The following ABCB4 variants were observed in gnomAD, a reference collection of about 807,000 sequenced individuals.
The protein encoded by ABCB4 is phosphatidylcholine translocator ABCB4.
A neutral mutation model predicts 145.7 loss-of-function variants in ABCB4; 76 were observed. That is an observed-to-expected ratio of 0.52 (90% confidence interval 0.43 to 0.63). ABCB4 has a LOEUF of 0.63. Ranked by LOEUF, ABCB4 falls within the 30% of genes least tolerant of loss-of-function variation. The pLI is 0.00. For missense variants in ABCB4, 1,234 were observed against 1,553.1 expected, an observed-to-expected ratio of 0.79 and a Z score of 3.45; for synonymous variants, 517 against 566.8, an observed-to-expected ratio of 0.91 and a Z score of 1.25.
intron 22 of ABCB4, 57 bp downstream of exon 22, chr7:87,413,560 A>G (rs1808769567): frequency 9.0e-7 from 1 of 1,107,518 alleles, no homozygotes; most frequent in Admixed American, 1.7e-5. Flanking sequence ...TTTTTGGGAC[A>G]ATAATTCAGC....
chr7:87,409,090 C>A, intron 24 of ABCB4, 146 bp downstream of exon 24: 1 of 985,646 alleles, frequency 1.0e-6, no homozygotes, highest in Admixed American at 2.2e-5. Context: ...AGTCAAGTTG[C>A]CCAAATATTA....
chr7:87,367,932 C>T, the ABCB4 span, among the ~76,000 whole-genome samples: 1 of 152,178 alleles, frequency 6.6e-6, no homozygotes, highest in African/African-American at 2.4e-5. Flanking sequence ...AATCTGTTCT[C>T]CATGTAACAG....
intron 7 of ABCB4, 52 bp downstream of exon 7, chr7:87,451,571 G>A: frequency 6.2e-7 from 1 of 1,601,170 alleles, no homozygotes; most frequent in Non-Finnish European, 8.6e-7. Context: ...GCATATTAAA[G>A]ATTACTGTGT....
chr7:87,426,851 G>C lies in ABCB4; in HGVS notation c.1963C>G (p.Pro655Ala), dbSNP rs550563139. ...NDEKAATRMA[P>A]NGWKSRLFRH... ...AATAGGCGAGATTTCCAGCCATTTG[G>C]GGCCATTCTAGTGGCAGCCTTTTCA... Residue 655 changes from proline (P) to alanine (A), a missense_variant, in exon 16 of 28, where the codon CCA becomes GCA. Pro to Ala is a conservative substitution (Grantham distance 27). Around this residue, in one of 7 missense-constraint regions of ABCB4, gnomAD observed 321 missense variants for 332.6 expected, o/e 0.97. Coordinates refer to ENST00000649586, the MANE Select transcript of ABCB4 (RefSeq NM_000443.4). 55 of 1,613,828 alleles carry C rather than the reference G, an allele frequency of 3.4e-5. 1 individual carries two copies. The South Asian group carries it at 5.8e-4, about 17-fold the overall frequency.
intron 15 of ABCB4, among the ~76,000 whole-genome samples, chr7:87,428,836 G>A (rs528178549): frequency 5.3e-5 from 8 of 152,194 alleles, no homozygotes; most frequent in East Asian, 1.9e-4. Flanking sequence ...AAATAAATAC[G>A]AAATAGCTAT....
intron 4 of ABCB4, among the ~76,000 whole-genome samples, chr7:87,456,837 CAG>C (rs1412977943): frequency 6.6e-6 from 1 of 151,964 alleles, no homozygotes. Flanking sequence ...CGGGGAAACT[CAG>C]AGTTTCTGCT....
At position 87,411,876 on chromosome 7, in the gene ABCB4, T is replaced by G; in HGVS notation, c.2924+17A>C. ...ACCTTATTATAGAATAATCTTAATA[T>G]TTCTAAAGCTACTTACAGAATAACA... On this transcript the variant is annotated intron_variant, in intron 23 of 27. Transcript: ENST00000649586. 3.1e-6 allele frequency: 5 copies of G among 1,610,416 alleles called. No homozygotes were observed. The highest frequency in any genetic ancestry group is 4.2e-6 in the Non-Finnish European group (5 of 1,177,610).
chr7:87,411,182 C>A (rs913724027), intron 23 of ABCB4, among the ~76,000 whole-genome samples: 1 of 151,858 alleles, frequency 6.6e-6, no homozygotes, highest in African/African-American at 2.4e-5. Flanking sequence ...AAACCCAGCT[C>A]TTAACACACT....
At chr7:87,391,720 T>C in the ABCB4 span, 9 of 1,599,506 alleles carry the variant, frequency 5.6e-6, no homozygotes, top group East Asian at 1.8e-4. Flanking sequence ...AATGTGAGTA[T>C]TGGAAAGGAA....
At chr7:87,400,971 T>C (rs1295003055), downstream of ABCB4, among the ~76,000 whole-genome samples, 2 of 152,204 alleles carry the variant, frequency 1.3e-5, no homozygotes, top group African/African-American at 2.4e-5. Flanking sequence ...AACAGATTCC[T>C]GGGCCTCAAC....
chr7:87,394,724 C>T, the ABCB4 span, among the ~76,000 whole-genome samples: 5 of 151,832 alleles, frequency 3.3e-5, no homozygotes, highest in Admixed American at 1.3e-4. Flanking sequence ...AAAAGGCATA[C>T]CTATAGACTC....
chr7:87,475,162 C>G (rs887093909), intron 2 of ABCB4, among the ~76,000 whole-genome samples: 3 of 152,196 alleles, frequency 2.0e-5, no homozygotes, highest in Non-Finnish European at 4.4e-5. Context: ...TTCAAGACAG[C>G]CTTTTCTTCC....
At chr7:87,446,994 G>A in intron 9 of ABCB4, 40 bp downstream of exon 9, 3 of 1,541,346 alleles carry the variant, frequency 1.9e-6, no homozygotes, top group Non-Finnish European at 2.7e-6. Flanking sequence ...GGAGAAATAA[G>A]ATTTTCATAT....
chr7:87,446,440 A>G (rs1811348810), intron 9 of ABCB4, among the ~76,000 whole-genome samples: 1 of 152,200 alleles, frequency 6.6e-6, no homozygotes, highest in African/African-American at 2.4e-5. Flanking sequence ...ATGACCTGGA[A>G]GATATATGCC....
intron 14 of ABCB4, among the ~76,000 whole-genome samples, chr7:87,433,839 A>C (rs1810419417): frequency 6.6e-6 from 1 of 152,134 alleles, no homozygotes; most frequent in Non-Finnish European, 1.5e-5. Context: ...AGGGAGGACT[A>C]ATCTACTAGC....
At chr7:87,461,560 A>G (rs1812462096) in intron 4 of ABCB4, among the ~76,000 whole-genome samples, 1 of 152,208 alleles carries the variant, frequency 6.6e-6, no homozygotes, top group Non-Finnish European at 1.5e-5. Context: ...ATGTATGTAA[A>G]GTGCTCAGCA....
Position 87,444,974 on chromosome 7 carries a change from A to C in ABCB4, c.1007T>G (p.Val336Gly). The C allele has an allele frequency of 6.3e-7, 1 of 1,595,672 alleles. No individual in the cohort carries two copies. The highest frequency in any genetic ancestry group is 1.1e-5 in the South Asian group (1 of 90,368). Residue 336 changes from valine (V) to glycine (G), a missense_variant and splice_region_variant, in exon 10 of 28, where the codon GTT becomes GGT. Coordinates refer to ENST00000649586, the MANE Select transcript of ABCB4 (RefSeq NM_000443.4). ...KEYTIGNAMT[V>G]FFSILIGAFS... ...AGCTCCAATTAGGATTGAAAAAAAAACCTGAGCAAAATAACATGAGGAAAA... is the reference window on the plus strand; with the variant it reads ...AGCTCCAATTAGGATTGAAAAAAAACCCTGAGCAAAATAACATGAGGAAAA...
intron 16 of ABCB4, among the ~76,000 whole-genome samples, chr7:87,425,956 A>G (rs911953570): frequency 6.6e-6 from 1 of 152,102 alleles, no homozygotes; most frequent in Non-Finnish European, 1.5e-5. Context: ...CAACGTTGCT[A>G]TTTCTCACCA....
intron 8 of ABCB4, 129 bp downstream of exon 8, chr7:87,449,839 G>T: frequency 1.5e-6 from 2 of 1,377,160 alleles, no homozygotes; most frequent in Non-Finnish European, 2.0e-6. Context: ...CATCAGTAAA[G>T]GGTGCTTATA....
Sources: allele counts gnomAD v4.1 joint callset (sites outside exome capture counted in the v4.1 genomes callset), GRCh38; gene constraint gnomAD v4.1.1; regional missense constraint gnomAD v4.1.1; transcripts MANE v1.5; gene names NCBI Gene and HGNC (gene_info 2026-07-23, HGNC 2026-07-21).